PRR16: variants seen among roughly 807,000 people sequenced by gnomAD.
PRR16 encodes the protein proline rich 16.
In PRR16, 6 loss-of-function variants were observed where a neutral mutation model predicts 18.2. That is an observed-to-expected ratio of 0.33 (90% CI 0.18 to 0.65). PRR16 has a LOEUF of 0.65. PRR16 is among the 30% of genes least tolerant of loss of function. The pLI is 0.74. For synonymous variants in PRR16, 151 were observed against 147.8 expected, an observed-to-expected ratio of 1.02 and a Z score of -0.16; for missense variants, 412 against 376.6, an observed-to-expected ratio of 1.09 and a Z score of -0.78.
intron 1 of PRR16, among the ~76,000 whole-genome samples, chr5:120,653,745 C>G (rs766083662): frequency 2.0e-5 from 3 of 151,952 alleles, no homozygotes; most frequent in Non-Finnish European, 4.4e-5. Flanking sequence ...AGAAGTGATG[C>G]ATTTCTCCAG....
rs151073137 is a variant in PRR16, at chr5:120,647,967, A to G, written c.160-37987A>G. Among the ~76,000 whole-genome samples the G allele has an allele frequency of 7.1e-3, 1,083 of 152,218 alleles. 13 individuals carry two copies. Among genetic ancestry groups the G allele is most frequent in the African/African-American group, 0.023 (971 of 41,550 alleles). The stretch of plus-strand genomic sequence containing the variant: ...CTGTGCAGAGAGGACTTATTACACT[A>G]TTAGATATAGCATTTTGGAAAGGAA... On this transcript the variant is annotated intron_variant, in intron 1 of 1. Transcript: ENST00000407149.
the PRR16 span, among the ~76,000 whole-genome samples, chr5:120,754,694 CTGATA>C: frequency 3.7e-5 from 5 of 135,940 alleles, no homozygotes; most frequent in East Asian, 2.1e-4. Context: ...TGTTTTCTTC[CTGATA>C]TAACTAAAAC....
At chr5:120,700,829 C>T in the PRR16 span, among the ~76,000 whole-genome samples, 45 of 152,088 alleles carry the variant, frequency 3.0e-4, no homozygotes, top group African/African-American at 7.5e-4. Flanking sequence ...AGGGGGCTTC[C>T]GAGGCGATCG....
intron 1 of PRR16, among the ~76,000 whole-genome samples, chr5:120,505,416 G>A (rs1750607455): frequency 6.6e-6 from 1 of 151,384 alleles, no homozygotes; most frequent in Admixed American, 6.5e-5. Context: ...TGCTTGGGCA[G>A]GTGTCCAATC....
chr5:120,731,499 G>A, the PRR16 span, among the ~76,000 whole-genome samples: 1 of 152,046 alleles, frequency 6.6e-6, no homozygotes. Flanking sequence ...ATCAGGCATG[G>A]TGGAAATATT....
chr5:120,678,123 A>G (rs1037030705), intron 1 of PRR16, among the ~76,000 whole-genome samples: 5 of 152,020 alleles, frequency 3.3e-5, no homozygotes, highest in Non-Finnish European at 5.9e-5. Context: ...GTTAGCCAGG[A>G]TGGTGTCGAT....
chr5:120,793,548 AAAG>A, the PRR16 span, among the ~76,000 whole-genome samples: 2 of 152,134 alleles, frequency 1.3e-5, no homozygotes, highest in African/African-American at 4.8e-5. Flanking sequence ...CAAAGAGAAA[AAAG>A]AGAGTAGTGC....
At chr5:120,513,032 G>A (rs528139072) in intron 1 of PRR16, among the ~76,000 whole-genome samples, 1 of 152,276 alleles carries the variant, frequency 6.6e-6, no homozygotes, top group Non-Finnish European at 1.5e-5. Context: ...CTGTCATGGC[G>A]TCAGGTGTAT....
intron 1 of PRR16, among the ~76,000 whole-genome samples, chr5:120,485,890 A>G (rs935193538): frequency 1.3e-5 from 2 of 152,116 alleles, no homozygotes; most frequent in Admixed American, 6.6e-5. Context: ...ATGAGTGAGA[A>G]CATGCGACAT....
chr5:120,765,879 C>T, the PRR16 span, among the ~76,000 whole-genome samples: 1 of 151,896 alleles, frequency 6.6e-6, no homozygotes, highest in South Asian at 2.1e-4. Context: ...TTATAACTAA[C>T]TTATTTTGAG....
At chr5:120,615,436 A>G (rs1236705844) in intron 1 of PRR16, among the ~76,000 whole-genome samples, 2 of 133,180 alleles carry the variant, frequency 1.5e-5, no homozygotes, top group East Asian at 2.2e-4. Flanking sequence ...GTGGAGGTGG[A>G]TACAGAGATA....
intron 1 of PRR16, among the ~76,000 whole-genome samples, chr5:120,664,776 A>C (rs1181310641): frequency 7.4e-6 from 1 of 135,076 alleles, no homozygotes; most frequent in East Asian, 2.0e-4. Context: ...GTCCCTACAA[A>C]GACATGAACT....
chr5:120,668,813 C>G (rs1375273256), intron 1 of PRR16, among the ~76,000 whole-genome samples: 7 of 151,846 alleles, frequency 4.6e-5, no homozygotes, highest in Admixed American at 1.3e-4. Context: ...AGAGTTTCTG[C>G]CGAGAGATCA....
intron 1 of PRR16, among the ~76,000 whole-genome samples, chr5:120,577,745 A>G (rs1034890058): frequency 4.6e-5 from 7 of 152,144 alleles, no homozygotes; most frequent in African/African-American, 1.7e-4. Flanking sequence ...AACAGATCTC[A>G]TTTATTGAAT....
At chr5:120,575,636 C>T (rs113325614) in intron 1 of PRR16, among the ~76,000 whole-genome samples, 3,166 of 152,002 alleles carry the variant, frequency 0.021, 125 homozygotes, top group African/African-American at 0.072. Context: ...ACAAACTATA[C>T]AAGAAACACC....
At chr5:120,583,807 C>T (rs1016137605) in intron 1 of PRR16, among the ~76,000 whole-genome samples, 6 of 152,120 alleles carry the variant, frequency 3.9e-5, no homozygotes, top group Non-Finnish European at 7.4e-5. Context: ...ACAAAGGGAT[C>T]TCAGACCACT....
the PRR16 span, among the ~76,000 whole-genome samples, chr5:120,771,924 A>G: frequency 2.0e-5 from 3 of 152,024 alleles, no homozygotes; most frequent in African/African-American, 7.2e-5. Flanking sequence ...TGAAAATTAG[A>G]TCAAATAAGA....
intron 1 of PRR16, among the ~76,000 whole-genome samples, chr5:120,535,075 A>ATG (rs1751670573): frequency 6.0e-5 from 4 of 67,104 alleles, no homozygotes; most frequent in South Asian, 7.0e-4. Flanking sequence ...CTCACTTTAC[A>ATG]CGTGTGTGTG....
At chr5:120,658,172 T>C (rs1301473027) in intron 1 of PRR16, 2 of 151,934 alleles carry the variant, frequency 1.3e-5, no homozygotes, top group Non-Finnish European at 1.5e-5. Context: ...TTTTTTTTTC[T>C]GCAACAATAT....
Sources: gnomAD v4.1 joint callset for allele counts (sites outside exome capture counted in the v4.1 genomes callset) on GRCh38, gnomAD v4.1.1 for gene constraint, MANE v1.5 for transcripts, NCBI Gene and HGNC (gene_info 2026-07-23, HGNC 2026-07-21) for gene names.